GNAI1: variants seen among roughly 807,000 people sequenced by gnomAD.
The protein encoded by GNAI1 is guanine nucleotide-binding protein G(i) subunit alpha-1.
A neutral mutation model predicts 38.9 loss-of-function variants in GNAI1; 11 were observed. The ratio of observed to expected loss-of-function variants is 0.28; its 90% confidence interval spans 0.18 to 0.47. GNAI1 has a LOEUF of 0.47. Among genes scored for constraint, GNAI1 ranks in the 20% least tolerant of loss-of-function variants. The probability of loss-of-function intolerance (pLI) is 0.99; values close to 1 mark genes in which losing one functional copy is unlikely to be tolerated. For synonymous variants in GNAI1, 166 were observed against 145.1 expected (o/e 1.14, Z -1.04); for missense variants, 317 against 436.9 (o/e 0.73, Z 2.45).
intron 1 of GNAI1, among the ~76,000 whole-genome samples, chr7:80,188,614 G>T (rs938668969): frequency 6.6e-6 from 1 of 152,056 alleles, no homozygotes; most frequent in East Asian, 1.9e-4. Flanking sequence ...ACCATATTGG[G>T]ACAAATGAAC....
chr7:80,178,855 G>A (rs1788241558), intron 1 of GNAI1, among the ~76,000 whole-genome samples: 1 of 152,130 alleles, frequency 6.6e-6, no homozygotes, highest in African/African-American at 2.4e-5. Context: ...ATTCTACACT[G>A]TAATCAAACT....
chr7:80,178,497 T>C (rs1450151996), intron 1 of GNAI1, among the ~76,000 whole-genome samples: 1 of 152,156 alleles, frequency 6.6e-6, no homozygotes, highest in Non-Finnish European at 1.5e-5. Flanking sequence ...CACCCTCAAC[T>C]TTCACCAACA....
chr7:80,149,159 C>T (rs2116094027), intron 1 of GNAI1, among the ~76,000 whole-genome samples: 1 of 152,182 alleles, frequency 6.6e-6, no homozygotes, highest in East Asian at 1.9e-4. Context: ...TAACTTTACA[C>T]TTATTCTGGC....
intron 1 of GNAI1, among the ~76,000 whole-genome samples, chr7:80,153,324 C>T (rs932452029): frequency 6.6e-6 from 1 of 152,032 alleles, no homozygotes; most frequent in Admixed American, 6.6e-5. Flanking sequence ...TTTGATTATA[C>T]AATGTGCATC....
intron 3 of GNAI1, among the ~76,000 whole-genome samples, 174 bp downstream of exon 3, chr7:80,189,405 A>T (rs1788442146): frequency 6.6e-6 from 1 of 152,160 alleles, no homozygotes. Flanking sequence ...ATATTAGAAT[A>T]TGTAGGATTG....
At chr7:80,135,562 C>T (rs1353990718) in intron 1 of GNAI1, 4 of 333,002 alleles carry the variant, frequency 1.2e-5, no homozygotes, top group African/African-American at 6.6e-5. Context: ...GAGTCCGAGG[C>T]GGCGGGTCGC....
intron 1 of GNAI1, among the ~76,000 whole-genome samples, chr7:80,137,312 C>CTTTTTTTTTTTTTT (rs1787435883): frequency 4.5e-5 from 3 of 66,960 alleles, no homozygotes; most frequent in South Asian, 5.9e-4. Context: ...TTTTTCTTTT[C>CTTTTTTTTTTTTTT]TTTTCTTTTT....
chr7:80,197,695 T>A (rs913656234), intron 3 of GNAI1, among the ~76,000 whole-genome samples: 4 of 152,072 alleles, frequency 2.6e-5, no homozygotes, highest in Admixed American at 1.3e-4. Flanking sequence ...CATGCACGTG[T>A]CGCTTGCATG....
Position 80,220,239 on chromosome 7 carries a change from T to A in GNAI1, c.*2746T>A, listed in dbSNP as rs79130616. ...GCTTTCCTCCAAGTACTGTATTACT[T>A]ACTACATGTGATATGCTTAGAGCAG... On this transcript the variant is annotated 3_prime_UTR_variant, in exon 8 of 8. Transcript: ENST00000649796. Among the ~76,000 whole-genome samples the A allele has an allele frequency of 6.8e-6, 1 of 147,884 alleles. No homozygotes were observed. The highest frequency in any genetic ancestry group is 1.5e-5 in the Non-Finnish European group (1 of 67,002).
At chr7:80,148,678 A>G (rs1482890825) in intron 1 of GNAI1, among the ~76,000 whole-genome samples, 1 of 152,120 alleles carries the variant, frequency 6.6e-6, no homozygotes, top group East Asian at 1.9e-4. Flanking sequence ...TTGAGAACCA[A>G]ACTAATGTTT....
rs1448550700 is a variant in GNAI1, at chr7:80,224,614, T to C, written c.*7121T>C. On this transcript the variant is annotated 3_prime_UTR_variant, in exon 8 of 8. Transcript: ENST00000649796. ...GTTAATAAGTATGCATGATGCACAT[T>C]AGCATGTCAATGGCTGTGAAAAGCC... 6.6e-6 allele frequency among the ~76,000 whole-genome samples: 1 copy of C among 152,210 alleles called. No homozygotes were observed. The highest frequency in any genetic ancestry group is 2.4e-5 in the African/African-American group (1 of 41,450).
At chr7:80,149,901 G>T (rs1238987297) in intron 1 of GNAI1, among the ~76,000 whole-genome samples, 1 of 152,032 alleles carries the variant, frequency 6.6e-6, no homozygotes, top group Non-Finnish European at 1.5e-5. Context: ...GAAGAAAAAA[G>T]GAAACTACAA....
intron 1 of GNAI1, among the ~76,000 whole-genome samples, chr7:80,149,922 T>G (rs909010701): frequency 4.6e-5 from 7 of 152,154 alleles, no homozygotes; most frequent in African/African-American, 1.4e-4. Flanking sequence ...TAGACAAGAT[T>G]GATTAATTCA....
chr7:80,139,434 C>T (rs1787484412), intron 1 of GNAI1, among the ~76,000 whole-genome samples: 2 of 152,158 alleles, frequency 1.3e-5, no homozygotes, highest in South Asian at 4.1e-4. Context: ...CACCCTTCTC[C>T]AAACAGAAAC....
At chr7:80,217,263 A>T in intron 7 of GNAI1, 40 bp from the exon 8 acceptor site, 1 of 1,318,396 alleles carries the variant, frequency 7.6e-7, no homozygotes, top group East Asian at 2.4e-5. Context: ...CAGTTATTTT[A>T]ACTTTTTGCA....
At chr7:80,195,111 TCTTGTCAATACCAGGA>T (rs1311880420) in intron 3 of GNAI1, among the ~76,000 whole-genome samples, 5 of 152,006 alleles carry the variant, frequency 3.3e-5, no homozygotes, top group African/African-American at 1.2e-4. Flanking sequence ...TGACAAGTTC[TCTTGTCAATACCAGGA>T]ACACTTAAAT....
chr7:80,183,440 G>A (rs1346486113), intron 1 of GNAI1, among the ~76,000 whole-genome samples: 1 of 152,114 alleles, frequency 6.6e-6, no homozygotes, highest in Non-Finnish European at 1.5e-5. Context: ...TTTTAAATCA[G>A]TAAATTCAAC....
chr7:80,138,637 A>G (rs1362797957), intron 1 of GNAI1, among the ~76,000 whole-genome samples: 1 of 152,204 alleles, frequency 6.6e-6, no homozygotes, highest in African/African-American at 2.4e-5. Flanking sequence ...ATAGTATACT[A>G]CTTGTACTTA....
At chr7:80,152,397 A>G (rs1173580799) in intron 1 of GNAI1, among the ~76,000 whole-genome samples, 3 of 152,172 alleles carry the variant, frequency 2.0e-5, no homozygotes, top group Non-Finnish European at 4.4e-5. Flanking sequence ...CTACAACACC[A>G]TTATTAACTG....
Sources: allele counts gnomAD v4.1 joint callset (sites outside exome capture counted in the v4.1 genomes callset), GRCh38; gene constraint gnomAD v4.1.1; transcripts MANE v1.5; gene names NCBI Gene and HGNC (gene_info 2026-07-23, HGNC 2026-07-21).